The following CRTAC1 variants were observed in gnomAD, a reference collection of about 807,000 sequenced individuals.
CRTAC1 encodes the protein cartilage acidic protein 1.
A neutral mutation model predicts 67.8 loss-of-function variants in CRTAC1; 37 were observed. The ratio of observed to expected loss-of-function variants is 0.55; its 90% CI spans 0.42 to 0.72. The LOEUF (loss-of-function observed/expected upper bound fraction) is 0.72, where lower values mean the gene tolerates loss of function less well. CRTAC1 is among the 30% of genes least tolerant of loss of function. The probability of loss-of-function intolerance (pLI) is 0.00; values close to 1 mark genes in which losing one functional copy is unlikely to be tolerated. For synonymous variants in CRTAC1, 348 were observed against 371.0 expected, an observed-to-expected ratio of 0.94 and a Z score of 0.71; for missense variants, 780 against 931.6, an observed-to-expected ratio of 0.84 and a Z score of 2.12.
At chr10:97,960,006 C>A (rs974000133) in intron 2 of CRTAC1, among the ~76,000 whole-genome samples, 1 of 152,256 alleles carries the variant, frequency 6.6e-6, no homozygotes, top group Admixed American at 6.5e-5. Flanking sequence ...CTCTGCCTAG[C>A]ATGTACTAAA....
chr10:97,911,759 T>C (rs984528026), intron 5 of CRTAC1, among the ~76,000 whole-genome samples: 17 of 152,338 alleles, frequency 1.1e-4, no homozygotes, highest in Non-Finnish European at 2.2e-4. Context: ...ATTCAGCAAA[T>C]GTCTTCTACC....
At chr10:97,931,939 C>A (rs1291223293) in intron 3 of CRTAC1, among the ~76,000 whole-genome samples, 1 of 152,180 alleles carries the variant, frequency 6.6e-6, no homozygotes, top group East Asian at 1.9e-4. Flanking sequence ...CCTGCACACT[C>A]TCCTACCTGG....
At chr10:97,886,209 C>T (rs896997110) in intron 11 of CRTAC1, among the ~76,000 whole-genome samples, 1 of 152,166 alleles carries the variant, frequency 6.6e-6, no homozygotes, top group Non-Finnish European at 1.5e-5. Flanking sequence ...GCCTTGTGAG[C>T]CACATCCCCC....
intron 2 of CRTAC1, among the ~76,000 whole-genome samples, chr10:97,993,395 G>T (rs1004142648): frequency 6.6e-6 from 1 of 152,212 alleles, no homozygotes; most frequent in Non-Finnish European, 1.5e-5. Flanking sequence ...TTGGGGACAT[G>T]AATCTGATGG....
At chr10:97,879,619 A>C in intron 14 of CRTAC1, 3 of 1,519,950 alleles carry the variant, frequency 2.0e-6, no homozygotes, top group South Asian at 1.3e-5. Flanking sequence ...AAGCAGCAGG[A>C]GAGAGATTTA....
intron 5 of CRTAC1, among the ~76,000 whole-genome samples, chr10:97,910,922 C>T (rs116134602): frequency 0.024 from 3,729 of 152,332 alleles, 140 homozygotes; most frequent in African/African-American, 0.082. Flanking sequence ...AATGAAGCCA[C>T]TGAATTCACA....
intron 5 of CRTAC1, among the ~76,000 whole-genome samples, chr10:97,913,060 G>T (rs2050710097): frequency 5.9e-5 from 9 of 152,150 alleles, no homozygotes; most frequent in Admixed American, 5.9e-4. Flanking sequence ...GAGCATCCAA[G>T]ATATTGTAAA....
At chr10:97,897,105 T>A in intron 8 of CRTAC1, 114 bp from the exon 9 acceptor site, 1 of 674,692 alleles carries the variant, frequency 1.5e-6, no homozygotes, top group Non-Finnish European at 2.5e-6. Flanking sequence ...GTGCATGGGC[T>A]ACCACCTGGC....
At chr10:97,925,482 AGTGGGCATGAGTGAGTGAGAAT>A (rs1389036737) in intron 3 of CRTAC1, among the ~76,000 whole-genome samples, 7 of 150,698 alleles carry the variant, frequency 4.6e-5, no homozygotes, top group African/African-American at 1.7e-4. Context: ...AGTGTGAGAG[AGTGGGCATGAGTGAGTGAGAAT>A]GTGGGCATCA....
chr10:97,933,096 C>T (rs2051025918), intron 3 of CRTAC1, among the ~76,000 whole-genome samples: 1 of 152,236 alleles, frequency 6.6e-6, no homozygotes, highest in African/African-American at 2.4e-5. Flanking sequence ...TGGTTGGGAC[C>T]CCTGGAGAGT....
chr10:98,023,347 G>T (rs1233068470), intron 1 of CRTAC1, among the ~76,000 whole-genome samples: 1 of 152,112 alleles, frequency 6.6e-6, no homozygotes, highest in Non-Finnish European at 1.5e-5. Context: ...AGATCAAATC[G>T]AATACCAAGG....
chr10:97,932,715 G>A (rs2051020550), intron 3 of CRTAC1, among the ~76,000 whole-genome samples: 1 of 152,158 alleles, frequency 6.6e-6, no homozygotes, highest in African/African-American at 2.4e-5. Flanking sequence ...AAGAAGGTCA[G>A]AAAGGCAACC....
At chr10:97,999,855 C>T (rs1217798718) in intron 2 of CRTAC1, among the ~76,000 whole-genome samples, 2 of 152,210 alleles carry the variant, frequency 1.3e-5, no homozygotes, top group Admixed American at 6.5e-5. Context: ...AGGAGCTATC[C>T]ACTCCAGGGC....
At chr10:97,904,273 A>C in intron 7 of CRTAC1, among the ~76,000 whole-genome samples, 2 of 149,902 alleles carry the variant, frequency 1.3e-5, no homozygotes, top group Non-Finnish European at 3.0e-5. Context: ...CTTCCTTGTC[A>C]CCCCACCCCC....
intron 5 of CRTAC1, among the ~76,000 whole-genome samples, chr10:97,915,009 C>G: frequency 6.6e-6 from 1 of 152,172 alleles, no homozygotes; most frequent in Non-Finnish European, 1.5e-5. Context: ...CTCCCCCTCC[C>G]GCAGTGCTGA....
chr10:97,970,387 C>G (rs928364907), intron 2 of CRTAC1, among the ~76,000 whole-genome samples: 32 of 152,310 alleles, frequency 2.1e-4, no homozygotes, highest in Admixed American at 1.2e-3. Context: ...GGCTCAAAAT[C>G]CTTCTCCTAA....
chr10:97,984,124 G>C (rs920194182), intron 2 of CRTAC1, among the ~76,000 whole-genome samples: 1 of 152,140 alleles, frequency 6.6e-6, no homozygotes. Context: ...ATGTGAAGGC[G>C]AAAATCCCTA....
chr10:98,006,526 A>G (rs941456621), intron 2 of CRTAC1, among the ~76,000 whole-genome samples: 1 of 152,210 alleles, frequency 6.6e-6, no homozygotes, highest in African/African-American at 2.4e-5. Context: ...CACGCCTTCC[A>G]TCACAATTAA....
At chr10:98,019,222 C>T (rs568920385) in intron 1 of CRTAC1, among the ~76,000 whole-genome samples, 1 of 152,198 alleles carries the variant, frequency 6.6e-6, no homozygotes, top group African/African-American at 2.4e-5. Flanking sequence ...TCAGGAGGAC[C>T]CAGCCTTCAC....
Sources: gnomAD v4.1 joint callset for allele counts (sites outside exome capture counted in the v4.1 genomes callset) on GRCh38, gnomAD v4.1.1 for gene constraint, MANE v1.5 for transcripts, NCBI Gene and HGNC (gene_info 2026-07-23, HGNC 2026-07-21) for gene names.